The following DCC variants were observed in gnomAD, a reference collection of about 807,000 sequenced individuals.
DCC encodes the protein DCC netrin 1 receptor.
In DCC, 58 loss-of-function variants were observed where a neutral mutation model predicts 172.5. The ratio of observed to expected loss-of-function variants is 0.34; its 90% CI spans 0.27 to 0.42. The LOEUF is 0.42. Ranked by LOEUF, DCC falls within the 10% of genes least tolerant of loss-of-function variation. The pLI is 1.00. For missense variants in DCC, 1,740 were observed against 1,791.0 expected (o/e 0.97, Z 0.51); for synonymous variants, 709 against 644.5 (o/e 1.10, Z -1.52).
intron 1 of DCC, among the ~76,000 whole-genome samples, chr18:52,592,793 C>T (rs2042013480): frequency 6.6e-6 from 1 of 152,090 alleles, no homozygotes; most frequent in African/African-American, 2.4e-5. Context: ...GCTTCCACGC[C>T]CATCTAATTG....
At chr18:52,718,835 T>C (rs922991602) in intron 1 of DCC, among the ~76,000 whole-genome samples, 1 of 152,192 alleles carries the variant, frequency 6.6e-6, no homozygotes, top group East Asian at 1.9e-4. Context: ...TGAAGGCAAG[T>C]CCTAAAGGTT....
intron 1 of DCC, among the ~76,000 whole-genome samples, chr18:52,441,591 C>T (rs1307387648): frequency 6.6e-6 from 1 of 152,154 alleles, no homozygotes; most frequent in Non-Finnish European, 1.5e-5. Flanking sequence ...TTTTTAAACA[C>T]TAGCATTTTC....
intron 19 of DCC, among the ~76,000 whole-genome samples, chr18:53,406,094 A>G (rs1036338981): frequency 9.8e-5 from 15 of 152,304 alleles, no homozygotes; most frequent in Middle Eastern, 3.4e-3. Flanking sequence ...GCAGTGCCCA[A>G]CACTATTTAA....
At chr18:52,457,384 C>T (rs1390730243) in intron 1 of DCC, among the ~76,000 whole-genome samples, 1 of 152,032 alleles carries the variant, frequency 6.6e-6, no homozygotes, top group African/African-American at 2.4e-5. Context: ...ATCTTTATGC[C>T]ACACATTAAA....
intron 5 of DCC, among the ~76,000 whole-genome samples, chr18:52,959,159 T>A (rs2040797734): frequency 6.6e-6 from 1 of 152,000 alleles, no homozygotes; most frequent in African/African-American, 2.4e-5. Context: ...GGGAAGAAAC[T>A]ATAATTGTAA....
At chr18:53,400,720 G>A (rs1461032167) in intron 18 of DCC, among the ~76,000 whole-genome samples, 1 of 152,050 alleles carries the variant, frequency 6.6e-6, no homozygotes, top group Non-Finnish European at 1.5e-5. Flanking sequence ...ATAAGAGCTT[G>A]CACAGCACCT....
chr18:53,305,632 A>G lies in DCC; in HGVS notation c.1966A>G (p.Thr656Ala). Residue 656 changes from threonine (T) to alanine (A), a missense_variant, in exon 13 of 29, where the codon ACC (threonine) becomes GCC (alanine). By Grantham distance (58) the Thr-to-Ala change is moderately conservative (BLOSUM62 0). Coordinates refer to ENST00000442544, the MANE Select transcript of DCC (RefSeq NM_005215.4). ...ATCAGGAACACAAAATGGATTTATTACCGGCTATAAAATTCGACACAGAAA... is the reference window on the plus strand; with the variant it reads ...ATCAGGAACACAAAATGGATTTATTGCCGGCTATAAAATTCGACACAGAAA... ...PPSGTQNGFITGYKIRHRKTT... is the reference protein window; with the variant it reads ...PPSGTQNGFIAGYKIRHRKTT... 6 of 1,613,512 alleles carry G rather than the reference A, an allele frequency of 3.7e-6. No homozygotes were observed. The highest frequency in any genetic ancestry group is 5.1e-6 in the Non-Finnish European group (6 of 1,179,456).
intron 18 of DCC, among the ~76,000 whole-genome samples, chr18:53,401,498 G>A (rs574589947): frequency 1.3e-5 from 2 of 152,056 alleles, no homozygotes; most frequent in South Asian, 2.1e-4. Context: ...GCTCATATTT[G>A]GAACACTATT....
intron 2 of DCC, among the ~76,000 whole-genome samples, chr18:52,783,198 G>C (rs1208173609): frequency 6.6e-6 from 1 of 151,876 alleles, no homozygotes; most frequent in Non-Finnish European, 1.5e-5. Context: ...ATTAGAATGA[G>C]TTGGACATTC....
intron 2 of DCC, among the ~76,000 whole-genome samples, chr18:52,794,555 T>C (rs2037836559): frequency 6.6e-6 from 1 of 151,872 alleles, no homozygotes; most frequent in Admixed American, 6.6e-5. Context: ...TTTAGGTTTT[T>C]CTATACATAA....
At chr18:52,382,638 C>T (rs948917385) in intron 1 of DCC, among the ~76,000 whole-genome samples, 1 of 151,980 alleles carries the variant, frequency 6.6e-6, no homozygotes, top group Non-Finnish European at 1.5e-5. Flanking sequence ...TTGGAGACAG[C>T]CAACAATGAC....
At chr18:52,408,171 A>T (rs1258552096) in intron 1 of DCC, among the ~76,000 whole-genome samples, 3 of 152,224 alleles carry the variant, frequency 2.0e-5, no homozygotes, top group Middle Eastern at 3.4e-3. Flanking sequence ...TCCAAATGCC[A>T]TATATGATAT....
intron 1 of DCC, among the ~76,000 whole-genome samples, chr18:52,374,936 C>T (rs1184590063): frequency 1.3e-5 from 2 of 152,086 alleles, no homozygotes; most frequent in Admixed American, 6.5e-5. Context: ...TATTGATTTC[C>T]CAGCCATTGA....
intron 1 of DCC, among the ~76,000 whole-genome samples, chr18:52,453,641 T>C (rs1265792320): frequency 6.6e-6 from 1 of 152,218 alleles, no homozygotes; most frequent in East Asian, 1.9e-4. Flanking sequence ...CTACTTTCAA[T>C]CTGTGCCTTT....
At chr18:52,613,333 G>A (rs1025975273) in intron 1 of DCC, among the ~76,000 whole-genome samples, 7 of 152,064 alleles carry the variant, frequency 4.6e-5, no homozygotes, top group African/African-American at 7.2e-5. Context: ...TCAGCTCACC[G>A]CAAGCTCCGC....
chr18:52,917,122 A>C (rs1394698975), intron 3 of DCC, among the ~76,000 whole-genome samples: 1 of 148,322 alleles, frequency 6.7e-6, no homozygotes, highest in African/African-American at 2.5e-5. Context: ...GTCTCAAAAA[A>C]AAAAAAAAAG....
At chr18:53,018,419 T>C (rs968963769) in intron 5 of DCC, among the ~76,000 whole-genome samples, 1 of 152,200 alleles carries the variant, frequency 6.6e-6, no homozygotes, top group Non-Finnish European at 1.5e-5. Flanking sequence ...TGCCTACGTC[T>C]CCTCTTTTTT....
chr18:52,825,254 C>G, intron 2 of DCC, among the ~76,000 whole-genome samples: 1 of 152,234 alleles, frequency 6.6e-6, no homozygotes, highest in South Asian at 2.1e-4. Flanking sequence ...ATTCCTTTAT[C>G]TCTTGGCTTC....
At chr18:53,292,965 T>C (rs1232800879) in intron 12 of DCC, among the ~76,000 whole-genome samples, 2 of 152,198 alleles carry the variant, frequency 1.3e-5, no homozygotes, top group Admixed American at 6.5e-5. Flanking sequence ...TTCAAAACAG[T>C]TATCCATACT....
Sources: gnomAD v4.1 joint callset for allele counts (sites outside exome capture counted in the v4.1 genomes callset) on GRCh38, gnomAD v4.1.1 for gene constraint, MANE v1.5 for transcripts, NCBI Gene and HGNC (gene_info 2026-07-23, HGNC 2026-07-21) for gene names.